The following ANO2 variants were observed in gnomAD, a reference collection of about 807,000 sequenced individuals.
ANO2 encodes anoctamin-2.
ANO2 carries 101 observed loss-of-function variants against 124.2 expected under a neutral mutation model. The observed-to-expected ratio is 0.81, with a 90% CI of 0.69 to 0.96. The LOEUF is 0.96. Among genes scored for constraint, ANO2 ranks in the 40% least tolerant of loss-of-function variants. The pLI is 0.00. For missense variants in ANO2, 1,293 were observed against 1,274.5 expected (o/e 1.01, Z -0.22); for synonymous variants, 486 against 482.5 (o/e 1.01, Z -0.09).
chr12:5,799,466 C>T (rs778863661), intron 10 of ANO2, 41 bp downstream of exon 10: 7 of 1,537,832 alleles, frequency 4.6e-6, no homozygotes, highest in African/African-American at 1.4e-5. Flanking sequence ...TCAGGACTTG[C>T]ATCTCCAGGA....
At chr12:5,709,954 G>A (rs1183772942) in intron 14 of ANO2, among the ~76,000 whole-genome samples, 1 of 152,200 alleles carries the variant, frequency 6.6e-6, no homozygotes, top group Non-Finnish European at 1.5e-5. Flanking sequence ...GGAGTGAGAG[G>A]GCAGGGCCTT....
intron 14 of ANO2, among the ~76,000 whole-genome samples, chr12:5,711,173 A>AT (rs968895531): frequency 6.6e-6 from 1 of 151,880 alleles, no homozygotes; most frequent in African/African-American, 2.4e-5. Flanking sequence ...AAAAAAAAAA[A>AT]ATTGATCCCT....
At chr12:5,589,459 C>T (rs563361011) in intron 20 of ANO2, among the ~76,000 whole-genome samples, 2 of 152,228 alleles carry the variant, frequency 1.3e-5, no homozygotes, top group Admixed American at 1.3e-4. Context: ...CACGGCTCAG[C>T]ATCACTAGAA....
At position 5,862,734 on chromosome 12, in the gene ANO2, G is replaced by A. The variant is rs145784741; in HGVS notation, c.535-8593C>T. Among the ~76,000 whole-genome samples, 2 of 152,296 alleles carry A rather than the reference G, an allele frequency of 1.3e-5. No homozygotes were observed. The highest frequency in any genetic ancestry group is 2.4e-5 in the African/African-American group (1 of 41,570). ...GGGCGGTTTCCCCCATACTGTTCTC[G>A]TGGTAGTGAATAAGCTCACAAGATC... is the stretch of plus-strand genomic sequence containing the variant. On this transcript the variant is annotated intron_variant, in intron 3 of 24. Coordinates refer to ENST00000682330, the MANE Select transcript of ANO2 (RefSeq NM_001364791.2). This position sits in a 1 kb window ranked among gnomAD's most constrained non-coding sequence, Gnocchi z 4.0.
At chr12:5,687,649 T>G (rs1023510597) in intron 14 of ANO2, among the ~76,000 whole-genome samples, 1 of 152,224 alleles carries the variant, frequency 6.6e-6, no homozygotes, top group African/African-American at 2.4e-5. Context: ...TTCCAAGAAC[T>G]TGGAGTGCTG....
intron 14 of ANO2, among the ~76,000 whole-genome samples, chr12:5,663,815 C>T (rs1947563063): frequency 6.6e-6 from 1 of 152,198 alleles, no homozygotes; most frequent in Non-Finnish European, 1.5e-5. Context: ...TCGGGTCAGG[C>T]CTCTAAGATG....
In ANO2 at chr12:5,922,898, G is replaced by A. The variant is rs576848815; in HGVS notation, c.23-94C>T. 2.5e-5 allele frequency: 32 copies of A among 1,281,326 alleles called. No homozygotes were observed. In the South Asian group the frequency reaches 5.8e-4, roughly 23 times the overall value. 79.4% of individuals were successfully genotyped at this position (1,281,326 alleles called of 1,614,324 possible). A position where few individuals can be genotyped will look rare whatever the true frequency, so the allele number is the denominator to read the frequency against. On this transcript the variant is annotated intron_variant, in intron 1 of 24. Coordinates refer to ENST00000682330, the MANE Select transcript of ANO2 (RefSeq NM_001364791.2). Reference sequence around the variant, plus strand: ...GAGTGTACTCAGACACTAGCCCTGAGAAAATGGCCCATTTTGCTTCACAGC... The same window carrying A: ...GAGTGTACTCAGACACTAGCCCTGAAAAAATGGCCCATTTTGCTTCACAGC...
At chr12:5,642,179 TTC>T (rs1411137034) in intron 15 of ANO2, among the ~76,000 whole-genome samples, 12 of 152,212 alleles carry the variant, frequency 7.9e-5, no homozygotes, top group Non-Finnish European at 1.6e-4. Flanking sequence ...CAATTCTCTT[TTC>T]TGTCTCCTCC....
At chr12:5,597,943 A>G (rs1459528797) in intron 20 of ANO2, among the ~76,000 whole-genome samples, 3 of 152,168 alleles carry the variant, frequency 2.0e-5, no homozygotes, top group Admixed American at 6.5e-5. Flanking sequence ...TTCTTTACAT[A>G]TTGTTTCTGA....
chr12:5,866,950 A>T (rs1955442521), intron 3 of ANO2, among the ~76,000 whole-genome samples: 1 of 152,238 alleles, frequency 6.6e-6, no homozygotes, highest in Non-Finnish European at 1.5e-5. Flanking sequence ...AGTGAGACCA[A>T]CAAATACAAG....
Position 5,732,630 on chromosome 12 carries a change from C to G in ANO2, c.1435G>C (p.Glu479Gln), listed in dbSNP as rs868068422. Residue 479 changes from glutamate to glutamine, a missense_variant and splice_region_variant, in exon 14 of 25, where the codon GAA becomes CAA. By Grantham distance (29) the Glu-to-Gln change is conservative. Transcript: ENST00000682330. ...WDLTGIEEEE[E>Q]HSRPEYETKV... ...GTTTCATACTCAGGCCTGGAATGTT[C>G]CTAAACCAAAGAGCAGTGAGTGGTT... The G allele has an allele frequency of 6.2e-7, 1 of 1,612,484 alleles. No homozygotes were observed. The highest frequency in any genetic ancestry group is 1.1e-5 in the South Asian group (1 of 90,812).
At chr12:5,801,182 T>C (rs572485789) in intron 9 of ANO2, among the ~76,000 whole-genome samples, 14 of 151,894 alleles carry the variant, frequency 9.2e-5, no homozygotes, top group Non-Finnish European at 1.8e-4. Context: ...AGGAGAGGGG[T>C]AGGGGCAAAA....
At chr12:5,756,764 T>A (rs1264678424) in intron 10 of ANO2, among the ~76,000 whole-genome samples, 1 of 152,228 alleles carries the variant, frequency 6.6e-6, no homozygotes, top group Non-Finnish European at 1.5e-5. Flanking sequence ...GAGATCTGCA[T>A]GAGAGTAGGG....
intron 15 of ANO2, among the ~76,000 whole-genome samples, chr12:5,647,096 T>C (rs1415270847): frequency 6.6e-6 from 1 of 152,232 alleles, no homozygotes; most frequent in Non-Finnish European, 1.5e-5. Flanking sequence ...GGGGTATTAG[T>C]AACCCTAACT....
chr12:5,589,763 C>T (rs1045896545), intron 20 of ANO2, among the ~76,000 whole-genome samples: 23 of 152,116 alleles, frequency 1.5e-4, no homozygotes, highest in Admixed American at 1.4e-3. Context: ...CATGAGAAGG[C>T]GCAGGCAAGC....
intron 10 of ANO2, among the ~76,000 whole-genome samples, chr12:5,752,542 T>G (rs895667563): frequency 6.6e-6 from 1 of 152,184 alleles, no homozygotes; most frequent in African/African-American, 2.4e-5. Flanking sequence ...TTTACTTAAT[T>G]TTTTTATCAG....
chr12:5,788,966 A>T (rs568039142), intron 10 of ANO2, among the ~76,000 whole-genome samples: 43 of 152,326 alleles, frequency 2.8e-4, no homozygotes, highest in African/African-American at 1.0e-3. Context: ...CTTTCGCATC[A>T]TCCCCATAGA....
At chr12:5,837,312 T>TA (rs1555171421) in intron 4 of ANO2, among the ~76,000 whole-genome samples, 4 of 128,364 alleles carry the variant, frequency 3.1e-5, no homozygotes, top group Non-Finnish European at 4.7e-5. Context: ...TTTTTTTTTT[T>TA]ATGATTCCTG....
Position 5,799,524 on chromosome 12 carries a change from T to C in ANO2, c.1038A>G (p.Gln346=), listed in dbSNP as rs1327246028. Reference sequence around the variant, plus strand: ...CCTCTTACCTGATGAGGTCAATAGGTTGGAACTTATAGAACACTCCATAGC... The same window carrying C: ...CCTCTTACCTGATGAGGTCAATAGGCTGGAACTTATAGAACACTCCATAGC... The part of the protein sequence containing the change: ...WARYGVFYKF[Q]PIDLIRKYFG... The change falls in exon 10 of 25, where the codon CAA becomes CAG. Residue 346 remains glutamine (Q), a synonymous_variant. Transcript: ENST00000682330. 4 of 1,613,904 alleles carry C rather than the reference T, an allele frequency of 2.5e-6. No homozygotes were observed. Among genetic ancestry groups the C allele is most frequent in the East Asian group, 2.2e-5 (1 of 44,890 alleles).
Sources: allele counts gnomAD v4.1 joint callset (sites outside exome capture counted in the v4.1 genomes callset), GRCh38; gene constraint gnomAD v4.1.1; non-coding constraint Gnocchi (gnomAD v3.1); transcripts MANE v1.5; gene names NCBI Gene and HGNC (gene_info 2026-07-23, HGNC 2026-07-21).